Variants in USP4 observed in about 807,000 individuals in gnomAD.
USP4 encodes the protein ubiquitin carboxyl-terminal hydrolase 4.
Under a neutral mutation model 118.2 loss-of-function variants are expected in USP4, and 72 were observed. The observed-to-expected ratio is 0.61, with a 90% CI of 0.50 to 0.74. USP4 has a LOEUF of 0.74. Among genes scored for constraint, USP4 ranks in the 30% least tolerant of loss-of-function variants. USP4 has a pLI of 0.00. For synonymous variants in USP4, 415 were observed against 440.4 expected (o/e 0.94, Z 0.72); for missense variants, 1,037 against 1,185.7 (o/e 0.87, Z 1.84).
At chr3:49,288,544 A>T (rs2047123029) in intron 15 of USP4, among the ~76,000 whole-genome samples, 1 of 152,152 alleles carries the variant, frequency 6.6e-6, no homozygotes, top group Non-Finnish European at 1.5e-5. Context: ...GCATGGTGTC[A>T]GGTGCCTGTA....
chr3:49,317,726 G>A (rs1205555196), intron 6 of USP4, among the ~76,000 whole-genome samples: 4 of 147,932 alleles, frequency 2.7e-5, no homozygotes, highest in African/African-American at 1.0e-4. Context: ...TTTTTTTTAA[G>A]TATTTTTAGT....
At position 49,278,299 on chromosome 3, in the gene USP4, G is replaced by A. The variant is rs775870131; in HGVS notation, c.2886C>T (p.Thr962=). ...CAGGATCGTGGAGTCAGCATTAGTTGGTGTCCATGCTGCAAGCCTCATCAT... is the reference window on the plus strand; with the variant it reads ...CAGGATCGTGGAGTCAGCATTAGTTAGTGTCCATGCTGCAAGCCTCATCAT... The part of the protein sequence containing the change: ...FGDDEACSMD[T]N Residue 962 remains threonine, a synonymous_variant, in exon 22 of 22, where the codon ACC becomes ACT. Coordinates refer to ENST00000265560, the MANE Select transcript of USP4 (RefSeq NM_003363.4). The A allele has an allele frequency of 6.2e-7, 1 of 1,613,482 alleles. No individual in the cohort carries two copies. The highest frequency in any genetic ancestry group is 8.5e-7 in the Non-Finnish European group (1 of 1,179,938).
At chr3:49,294,878 A>G (rs2047186936) in intron 13 of USP4, among the ~76,000 whole-genome samples, 1 of 152,200 alleles carries the variant, frequency 6.6e-6, no homozygotes, top group Non-Finnish European at 1.5e-5. Flanking sequence ...TGGTCCTTCA[A>G]CTGGGACCCA....
intron 14 of USP4, 41 bp downstream of exon 14, chr3:49,294,366 T>C (rs567408911): frequency 6.3e-7 from 1 of 1,585,620 alleles, no homozygotes; most frequent in African/African-American, 1.3e-5. Context: ...TGGGTATATC[T>C]TCATCTCAGA....
At position 49,282,314 on chromosome 3, in the gene USP4, G is replaced by T. The variant is rs184844027; in HGVS notation, c.2541-1467C>A. 5.8e-4 allele frequency among the ~76,000 whole-genome samples: 88 copies of T among 151,716 alleles called. No individual in the cohort carries two copies. In the East Asian group the frequency reaches 0.017, roughly 29 times the overall value. ...TTTTGAGACGGAGTCTCGCTGTGTC[G>T]TCCGGGCTGGAGTGCAGTGGCGCGA... On this transcript the variant is annotated intron_variant, in intron 19 of 21. Transcript: ENST00000265560.
At chr3:49,294,743 G>C in intron 13 of USP4, 145 bp from the exon 14 acceptor site, 1 of 746,668 alleles carries the variant, frequency 1.3e-6, no homozygotes, top group South Asian at 1.9e-5. Flanking sequence ...CTATTGCCAA[G>C]ACGTTTCTAG....
At chr3:49,308,566 G>A (rs1486025538) in intron 8 of USP4, among the ~76,000 whole-genome samples, 1 of 151,882 alleles carries the variant, frequency 6.6e-6, no homozygotes, top group Non-Finnish European at 1.5e-5. Flanking sequence ...TGATCCGCCC[G>A]CCTTGGCCTC....
At chr3:49,278,615 G>A (rs2046986053) in intron 21 of USP4, among the ~76,000 whole-genome samples, 164 bp from the exon 22 acceptor site, 1 of 152,130 alleles carries the variant, frequency 6.6e-6, no homozygotes, top group South Asian at 2.1e-4. Flanking sequence ...GGAAATGGAA[G>A]GAGCCTTGTG....
intron 9 of USP4, among the ~76,000 whole-genome samples, chr3:49,305,217 C>T (rs1348257407): frequency 4.8e-5 from 7 of 146,944 alleles, no homozygotes; most frequent in Non-Finnish European, 1.0e-4. Flanking sequence ...GGACTACAGG[C>T]GCCTGCCATC....
chr3:49,327,880 T>C lies in USP4; in HGVS notation c.230-64A>G, dbSNP rs879084621. 6.8e-6 allele frequency: 10 copies of C among 1,479,466 alleles called. No homozygotes were observed. The South Asian group carries it at 1.2e-4, about 18-fold the overall frequency. 91.6% of individuals were successfully genotyped at this position (1,479,466 alleles called of 1,614,324 possible). A position where few individuals can be genotyped will look rare whatever the true frequency, so the allele number is the denominator to read the frequency against. ...CCCCAGAAATGATGGTTTTACATGATTTCCATGTACTTTTCAGAAATAAGA... is the reference window on the plus strand; with the variant it reads ...CCCCAGAAATGATGGTTTTACATGACTTCCATGTACTTTTCAGAAATAAGA... On this transcript the variant is annotated intron_variant, in intron 2 of 21. Transcript: ENST00000265560.
chr3:49,312,141 T>A (rs2047389116), intron 6 of USP4: 2 of 206,318 alleles, frequency 9.7e-6, no homozygotes, highest in South Asian at 1.3e-4. Context: ...CTGACCAACA[T>A]GGAGAAACCC....
chr3:49,337,526 C>T (rs1488664405), intron 1 of USP4, among the ~76,000 whole-genome samples: 2 of 152,092 alleles, frequency 1.3e-5, no homozygotes, highest in Non-Finnish European at 2.9e-5. Flanking sequence ...AACTCCTGGG[C>T]TCAAGTGATC....
intron 18 of USP4, 68 bp downstream of exon 18, chr3:49,284,398 G>T: frequency 7.7e-7 from 1 of 1,293,288 alleles, no homozygotes; most frequent in Non-Finnish European, 1.1e-6. Flanking sequence ...TATGTGCACA[G>T]ATGGCCCTAG....
At position 49,277,273 on chromosome 3, in the gene USP4, G is replaced by T; in HGVS notation, c.*1020C>A. 7.8e-7 allele frequency: 1 copy of T among 1,278,954 alleles called. No individual in the cohort carries two copies. The highest frequency in any genetic ancestry group is 1.2e-5 in the South Asian group (1 of 80,536). 79.2% of individuals were successfully genotyped at this position (1,278,954 alleles called of 1,614,324 possible). A position where few individuals can be genotyped will look rare whatever the true frequency, so the allele number is the denominator to read the frequency against. On this transcript the variant is annotated 3_prime_UTR_variant, in exon 22 of 22. Transcript: ENST00000265560. ...CAAACCCCCACGGATTAGGTTGAAG[G>T]TCAGACAAAAAATCCCGGACCCATA...
rs571893455 is a variant in USP4, at chr3:49,309,564, A to C, written c.954+1056T>G. On this transcript the variant is annotated intron_variant, in intron 8 of 21. Transcript: ENST00000265560. ...AGCCATTGCGCCTGGCCAATAAGCA[A>C]GTTTCAAAGAGGGGATTTTGGATTT... Among the ~76,000 whole-genome samples, 10 of 149,474 alleles carry C rather than the reference A, an allele frequency of 6.7e-5. 1 individual carries two copies. In the East Asian group the frequency reaches 1.8e-3, roughly 27 times the overall value.
Position 49,287,458 on chromosome 3 carries a change from A to T in USP4, c.1973-1133T>A, listed in dbSNP as rs572378119. Among the ~76,000 whole-genome samples, 8 of 151,824 alleles carry T rather than the reference A, an allele frequency of 5.3e-5. No individual in the cohort carries two copies. The East Asian group carries it at 1.6e-3, about 29-fold the overall frequency. ...TGCGAGCCACTGCACCCGGCCAAGA[A>T]ACACAACTTAAAGGTCAATTGCCTT... On this transcript the variant is annotated intron_variant, in intron 15 of 21. Transcript: ENST00000265560.
chr3:49,334,683 A>G (rs1053343940), intron 2 of USP4, among the ~76,000 whole-genome samples: 16 of 152,130 alleles, frequency 1.1e-4, no homozygotes, highest in African/African-American at 3.9e-4. Context: ...GCTCAAGGCC[A>G]GCCTAGCCAA....
At chr3:49,313,673 A>G (rs147485585) in intron 6 of USP4, among the ~76,000 whole-genome samples, 4 of 152,292 alleles carry the variant, frequency 2.6e-5, no homozygotes, top group African/African-American at 9.6e-5. Context: ...TGTTTCTTCA[A>G]ATTTGCCAGT....
chr3:49,283,235 C>T (rs766687582), intron 19 of USP4, among the ~76,000 whole-genome samples: 21 of 150,038 alleles, frequency 1.4e-4, no homozygotes, highest in African/African-American at 2.2e-4. Flanking sequence ...AGGATGGTCT[C>T]GATCTCCAGA....
Sources: gnomAD v4.1 joint callset for allele counts (sites outside exome capture counted in the v4.1 genomes callset) on GRCh38, gnomAD v4.1.1 for gene constraint, MANE v1.5 for transcripts, NCBI Gene and HGNC (gene_info 2026-07-23, HGNC 2026-07-21) for gene names.